The following NT5DC3 variants were observed in gnomAD, a reference collection of about 807,000 sequenced individuals.
NT5DC3 encodes 5'-nucleotidase domain-containing protein 3.
A neutral mutation model predicts 67.8 loss-of-function variants in NT5DC3; 42 were observed. The ratio of observed to expected loss-of-function variants is 0.62; its 90% confidence interval spans 0.48 to 0.80. The LOEUF is 0.80. Among genes scored for constraint, NT5DC3 ranks in the 30% least tolerant of loss-of-function variants. The pLI, the probability that NT5DC3 is intolerant of heterozygous loss-of-function variation, is 0.00. For missense variants in NT5DC3, 570 were observed against 696.4 expected (o/e 0.82, Z 2.04); for synonymous variants, 237 against 255.6 (o/e 0.93, Z 0.69).
At chr12:103,812,760 C>A (rs1460576931) in intron 2 of NT5DC3, among the ~76,000 whole-genome samples, 1 of 152,078 alleles carries the variant, frequency 6.6e-6, no homozygotes, top group Non-Finnish European at 1.5e-5. Context: ...TTTTTTGAAC[C>A]TCAGTTTCCT....
chr12:103,780,916 G>A (rs2139303735), intron 12 of NT5DC3, among the ~76,000 whole-genome samples: 1 of 152,070 alleles, frequency 6.6e-6, no homozygotes, highest in South Asian at 2.1e-4. Flanking sequence ...TTTGTACAGG[G>A]GTAGTAGAAT....
chr12:103,767,878 C>T (rs574236615), downstream of NT5DC3, among the ~76,000 whole-genome samples: 10 of 151,082 alleles, frequency 6.6e-5, no homozygotes, highest in Admixed American at 2.0e-4. Flanking sequence ...GTCAGGAGTT[C>T]GAGACCAGCC....
intron 4 of NT5DC3, among the ~76,000 whole-genome samples, chr12:103,803,444 T>C (rs1259087548): frequency 1.3e-5 from 2 of 152,210 alleles, no homozygotes; most frequent in East Asian, 1.9e-4. Flanking sequence ...ATATTTAATA[T>C]ACATGTTACT....
chr12:103,779,812 C>T (rs1411543901), intron 13 of NT5DC3, among the ~76,000 whole-genome samples: 1 of 152,210 alleles, frequency 6.6e-6, no homozygotes, highest in African/African-American at 2.4e-5. Context: ...TTTCTTATGG[C>T]AGGCAGGCTT....
At chr12:103,804,714 A>C (rs1044599294) in intron 4 of NT5DC3, among the ~76,000 whole-genome samples, 3 of 152,230 alleles carry the variant, frequency 2.0e-5, no homozygotes, top group African/African-American at 7.2e-5. Flanking sequence ...AGAAAAACAA[A>C]ATATTGTACA....
chr12:103,761,365 C>A, the NT5DC3 span: 9 of 1,613,800 alleles, frequency 5.6e-6, no homozygotes, highest in African/African-American at 1.2e-4. Context: ...CCAATGGGAT[C>A]ATTCATGTCA....
At chr12:103,766,136 A>T, downstream of NT5DC3, 1 of 1,075,296 alleles carries the variant, frequency 9.3e-7, no homozygotes, top group South Asian at 1.3e-5. Context: ...GCCTCCCAAC[A>T]CAAGGCAGCA....
intron 1 of NT5DC3, among the ~76,000 whole-genome samples, chr12:103,829,870 CTT>C (rs1207046028): frequency 6.8e-6 from 1 of 146,042 alleles, no homozygotes; most frequent in Non-Finnish European, 1.5e-5. Context: ...TGGTAAAGCT[CTT>C]AGCTTTTAAT....
At position 103,777,748 on chromosome 12, in the gene NT5DC3, C is replaced by G; in HGVS notation, c.*81G>C. The G allele has an allele frequency of 6.9e-7, 1 of 1,441,372 alleles. No homozygotes were observed. The highest frequency in any genetic ancestry group is 9.4e-7 in the Non-Finnish European group (1 of 1,063,908). The allele number at this position is 1,441,372 out of a possible 1,614,324, so 89.3% of individuals were successfully genotyped here. ...GGCTTATCTGTATCTTTTCCAAAAG[C>G]AACACTCAGACCCACATGAAGTCAA... On this transcript the variant is annotated 3_prime_UTR_variant, in exon 14 of 14. Transcript: ENST00000392876.
At chr12:103,785,599 C>A in intron 11 of NT5DC3, 124 bp from the exon 12 acceptor site, 1 of 957,180 alleles carries the variant, frequency 1.0e-6, no homozygotes, top group Non-Finnish European at 1.7e-6. Context: ...AGTTATTCAC[C>A]AAGCTGAATT....
intron 9 of NT5DC3, among the ~76,000 whole-genome samples, chr12:103,792,783 C>T (rs1886122325): frequency 6.6e-6 from 1 of 152,192 alleles, no homozygotes; most frequent in Non-Finnish European, 1.5e-5. Context: ...CTAATGAGAG[C>T]TCTATTTACA....
intron 1 of NT5DC3, among the ~76,000 whole-genome samples, chr12:103,826,341 A>G (rs116331514): frequency 0.014 from 2,086 of 152,264 alleles, 25 homozygotes; most frequent in Middle Eastern, 0.075. Context: ...TAAGATTGGT[A>G]TCAGCTGACT....
intron 1 of NT5DC3, among the ~76,000 whole-genome samples, chr12:103,818,231 G>A (rs1247449195): frequency 3.3e-5 from 5 of 152,116 alleles, no homozygotes; most frequent in African/African-American, 1.2e-4. Context: ...CATTATGAAG[G>A]CACATGTATG....
At chr12:103,825,332 C>T (rs1258299661) in intron 1 of NT5DC3, among the ~76,000 whole-genome samples, 1 of 152,150 alleles carries the variant, frequency 6.6e-6, no homozygotes, top group African/African-American at 2.4e-5. Context: ...ATCCATCACA[C>T]TTCTTGAAGT....
intron 4 of NT5DC3, among the ~76,000 whole-genome samples, chr12:103,799,466 C>T (rs1478597722): frequency 2.0e-5 from 3 of 152,184 alleles, no homozygotes; most frequent in Non-Finnish European, 4.4e-5. Context: ...CTCTCATACT[C>T]TCTTGCCTGC....
chr12:103,801,627 T>C (rs1886587485), intron 4 of NT5DC3, among the ~76,000 whole-genome samples: 1 of 152,038 alleles, frequency 6.6e-6, no homozygotes, highest in Non-Finnish European at 1.5e-5. Context: ...GTGATCTACC[T>C]GCCTCAGCCT....
chr12:103,755,531 C>T, the NT5DC3 span: 1 of 1,607,762 alleles, frequency 6.2e-7, no homozygotes, highest in African/African-American at 1.3e-5. Context: ...CTCAGCCTGG[C>T]CAGTCACTCC....
At chr12:103,789,480 A>G (rs1001286109) in intron 9 of NT5DC3, among the ~76,000 whole-genome samples, 2 of 152,174 alleles carry the variant, frequency 1.3e-5, no homozygotes, top group Non-Finnish European at 2.9e-5. Flanking sequence ...ATAAATTTGG[A>G]AAACACCATG....
At chr12:103,811,150 A>G (rs1887011658) in intron 2 of NT5DC3, among the ~76,000 whole-genome samples, 1 of 152,224 alleles carries the variant, frequency 6.6e-6, no homozygotes, top group Non-Finnish European at 1.5e-5. Flanking sequence ...AACTGACAAA[A>G]GTGTCTGCCC....
Sources: allele counts gnomAD v4.1 joint callset (sites outside exome capture counted in the v4.1 genomes callset), GRCh38; gene constraint gnomAD v4.1.1; transcripts MANE v1.5; gene names NCBI Gene and HGNC (gene_info 2026-07-23, HGNC 2026-07-21).